The following VAT1L variants were observed in gnomAD, a reference collection of about 807,000 sequenced individuals.
VAT1L encodes vesicle amine transport 1 like, also known as putative NADPH-dependent quinone oxidoreductase VAT1L.
In VAT1L, 34 loss-of-function variants were observed where a neutral mutation model predicts 44.1. The ratio of observed to expected loss-of-function variants is 0.77; its 90% CI spans 0.59 to 1.03. The LOEUF is 1.03. VAT1L is among the 50% of genes least tolerant of loss of function. The pLI is 0.00. For missense variants in VAT1L, 615 were observed against 538.8 expected (o/e 1.14, Z -1.40); for synonymous variants, 253 against 202.2 (o/e 1.25, Z -2.13).
intron 4 of VAT1L, among the ~76,000 whole-genome samples, chr16:77,872,141 T>C (rs1392289253): frequency 6.6e-6 from 1 of 152,054 alleles, no homozygotes; most frequent in Non-Finnish European, 1.5e-5. Flanking sequence ...TCACCTAAGG[T>C]CACACAGCAT....
At chr16:77,797,987 C>A (rs1324976219) in intron 1 of VAT1L, among the ~76,000 whole-genome samples, 3 of 152,114 alleles carry the variant, frequency 2.0e-5, no homozygotes, top group Admixed American at 1.3e-4. Context: ...GTGAAAGAAG[C>A]TGTTTTATCT....
chr16:77,834,899 A>G (rs1327734496), intron 3 of VAT1L, among the ~76,000 whole-genome samples: 1 of 152,228 alleles, frequency 6.6e-6, no homozygotes, highest in Non-Finnish European at 1.5e-5. Flanking sequence ...CGGAATAATA[A>G]CAATGCATTT....
rs533340713 is a variant in VAT1L, at chr16:77,921,946, C to A, written c.1077+37144C>A. On this transcript the variant is annotated intron_variant, in intron 7 of 8. Transcript: ENST00000302536. Reference sequence around the variant, plus strand: ...TTTTTTTTATGGTGACAGGGTCTCACTATGTTGCCCAGGCTGGTCTTGAAG... The same window carrying A: ...TTTTTTTTATGGTGACAGGGTCTCAATATGTTGCCCAGGCTGGTCTTGAAG... Among the ~76,000 whole-genome samples the A allele has an allele frequency of 1.7e-3, 255 of 152,132 alleles. 2 individuals carry two copies. The highest frequency in any genetic ancestry group is 3.4e-3 in the Middle Eastern group (1 of 294).
At chr16:77,916,799 C>CTT (rs34522921) in intron 7 of VAT1L, among the ~76,000 whole-genome samples, 139 of 139,894 alleles carry the variant, frequency 9.9e-4, no homozygotes, top group Admixed American at 4.1e-3. Flanking sequence ...GCGCTTTGCT[C>CTT]TTTTTTTTTT....
intron 7 of VAT1L, among the ~76,000 whole-genome samples, chr16:77,887,152 C>G (rs1176433796): frequency 6.6e-6 from 1 of 152,024 alleles, no homozygotes; most frequent in East Asian, 1.9e-4. Context: ...CAAGGAGATC[C>G]CTAAAAACAA....
intron 3 of VAT1L, among the ~76,000 whole-genome samples, chr16:77,844,879 G>A (rs903693131): frequency 6.6e-6 from 1 of 151,706 alleles, no homozygotes; most frequent in Non-Finnish European, 1.5e-5. Context: ...TATATGAAAG[G>A]ATCAAGATGC....
At chr16:77,824,065 G>A (rs1176455942) in intron 2 of VAT1L, among the ~76,000 whole-genome samples, 1 of 152,164 alleles carries the variant, frequency 6.6e-6, no homozygotes, top group Non-Finnish European at 1.5e-5. Flanking sequence ...CGCATGAGGA[G>A]GAATCCATTC....
chr16:77,970,493 T>C (rs396100), intron 7 of VAT1L, among the ~76,000 whole-genome samples: 44,264 of 152,114 alleles, frequency 0.29, 6,770 homozygotes, highest in South Asian at 0.48. Context: ...TATTACAACA[T>C]TTAATTCTGC....
intron 7 of VAT1L, among the ~76,000 whole-genome samples, chr16:77,949,405 G>C (rs1327972767): frequency 3.3e-5 from 5 of 152,126 alleles, no homozygotes; most frequent in Admixed American, 6.5e-5. Flanking sequence ...GGGCATCCTA[G>C]AAAAAAGAAT....
intron 1 of VAT1L, among the ~76,000 whole-genome samples, chr16:77,814,694 G>C (rs1171025979): frequency 1.3e-5 from 2 of 152,222 alleles, no homozygotes; most frequent in African/African-American, 2.4e-5. Flanking sequence ...GAGATGGAGT[G>C]CTTGATTCAG....
intron 7 of VAT1L, among the ~76,000 whole-genome samples, chr16:77,899,423 G>A (rs1158250765): frequency 3.9e-5 from 6 of 152,212 alleles, no homozygotes; most frequent in Admixed American, 3.9e-4. Flanking sequence ...TGATTAGACA[G>A]GTGACACTGC....
intron 1 of VAT1L, among the ~76,000 whole-genome samples, chr16:77,795,020 A>G (rs1597160042): frequency 6.6e-6 from 1 of 152,142 alleles, no homozygotes; most frequent in African/African-American, 2.4e-5. Flanking sequence ...TGATTCTTCT[A>G]TCTCATGAGA....
chr16:77,927,783 C>G (rs531867319), intron 7 of VAT1L, among the ~76,000 whole-genome samples: 2 of 151,794 alleles, frequency 1.3e-5, no homozygotes, highest in Non-Finnish European at 2.9e-5. Flanking sequence ...GCAGGAGAAT[C>G]GCTTGAACCC....
intron 6 of VAT1L, among the ~76,000 whole-genome samples, chr16:77,882,915 G>A (rs2017169969): frequency 1.3e-5 from 2 of 152,072 alleles, no homozygotes; most frequent in South Asian, 4.1e-4. Context: ...CCCTTGCCAG[G>A]TAAGACCATC....
intron 7 of VAT1L, among the ~76,000 whole-genome samples, chr16:77,913,426 C>T (rs1309815095): frequency 6.6e-6 from 1 of 152,100 alleles, no homozygotes; most frequent in Admixed American, 6.6e-5. Context: ...CTACCAAACC[C>T]ACTCTTGTCA....
intron 2 of VAT1L, among the ~76,000 whole-genome samples, chr16:77,823,664 G>A (rs1237861382): frequency 6.6e-6 from 1 of 152,150 alleles, no homozygotes; most frequent in Non-Finnish European, 1.5e-5. Flanking sequence ...GAAGATTACA[G>A]TCTAGTACAT....
At chr16:77,856,566 C>G (rs957701228) in intron 3 of VAT1L, among the ~76,000 whole-genome samples, 2 of 152,178 alleles carry the variant, frequency 1.3e-5, no homozygotes, top group Non-Finnish European at 2.9e-5. Context: ...TATGATCTTG[C>G]TTTAAACTGC....
At chr16:77,935,619 T>G (rs2017785993) in intron 7 of VAT1L, among the ~76,000 whole-genome samples, 1 of 144,916 alleles carries the variant, frequency 6.9e-6, no homozygotes, top group African/African-American at 2.6e-5. Flanking sequence ...CGGAGAGGGA[T>G]GAGTGGGGGG....
chr16:77,852,886 C>G lies in VAT1L; in HGVS notation c.580-9862C>G, dbSNP rs548218157. ...CTTCTCTGTGCTTCGGTTCTTCCAT[C>G]TGGGAAATGAGGATGAACTAGTACC... On this transcript the variant is annotated intron_variant, in intron 3 of 8. Coordinates refer to ENST00000302536, the MANE Select transcript of VAT1L (RefSeq NM_020927.3). Among the ~76,000 whole-genome samples, 6 of 152,260 alleles carry G rather than the reference C, an allele frequency of 3.9e-5. No individual in the cohort carries two copies. In the South Asian group the frequency reaches 1.0e-3, roughly 26 times the overall value.
Sources: gnomAD v4.1 joint callset for allele counts (sites outside exome capture counted in the v4.1 genomes callset) on GRCh38, gnomAD v4.1.1 for gene constraint, MANE v1.5 for transcripts, NCBI Gene and HGNC (gene_info 2026-07-23, HGNC 2026-07-21) for gene names.